GLDN: variants seen among roughly 807,000 people sequenced by gnomAD.
GLDN encodes gliomedin.
In GLDN, 47 loss-of-function variants were observed where a neutral mutation model predicts 56.5. The observed-to-expected ratio is 0.83, with a 90% CI of 0.66 to 1.06. GLDN has a LOEUF of 1.06. Among genes scored for constraint, GLDN ranks in the 50% least tolerant of loss-of-function variants. GLDN has a pLI of 0.00. For synonymous variants in GLDN, 332 were observed against 278.8 expected (o/e 1.19, Z -1.90); for missense variants, 782 against 714.3 (o/e 1.09, Z -1.08).
At chr15:51,383,376 G>T (rs1210415680) in intron 2 of GLDN, 60 bp from the exon 3 acceptor site, 7 of 1,571,614 alleles carry the variant, frequency 4.5e-6, no homozygotes, top group Middle Eastern at 1.7e-4. Flanking sequence ...AAGGTCGGGG[G>T]TGCTCTTTGT....
chr15:51,412,292 A>G (rs1464362360), downstream of GLDN, among the ~76,000 whole-genome samples: 4 of 152,238 alleles, frequency 2.6e-5, no homozygotes, highest in Non-Finnish European at 5.9e-5. Context: ...AAGAATACCT[A>G]CGATTCCTCT....
chr15:51,409,865 C>A (rs2038447356), downstream of GLDN, among the ~76,000 whole-genome samples: 1 of 152,206 alleles, frequency 6.6e-6, no homozygotes, highest in African/African-American at 2.4e-5. Flanking sequence ...GTTCTTATAA[C>A]TGGAAAGTGG....
chr15:51,348,600 C>T (rs1386003610), intron 1 of GLDN, among the ~76,000 whole-genome samples: 1 of 152,004 alleles, frequency 6.6e-6, no homozygotes, highest in Non-Finnish European at 1.5e-5. Context: ...TCCCAAAGTG[C>T]TGGAATTATA....
In GLDN at chr15:51,345,987, T is replaced by A. The variant is rs138163874; in HGVS notation, c.363+3940T>A. Among the ~76,000 whole-genome samples, 6 of 152,352 alleles carry A rather than the reference T, an allele frequency of 3.9e-5. No individual in the cohort carries two copies. In the East Asian group the frequency reaches 9.6e-4, roughly 24 times the overall value. ...AGAAAAGATGTGCAAAACCTGTGTG[T>A]GTATCTATATACTTACCTTTTGTGT... On this transcript the variant is annotated intron_variant, in intron 1 of 9. Coordinates refer to ENST00000335449, the MANE Select transcript of GLDN (RefSeq NM_181789.4).
downstream of GLDN, among the ~76,000 whole-genome samples, chr15:51,411,268 G>GA (rs1035693364): frequency 3.3e-5 from 5 of 152,208 alleles, no homozygotes; most frequent in African/African-American, 1.2e-4. Flanking sequence ...CAGAAGGGGA[G>GA]AAAAATCTCA....
At chr15:51,353,191 C>T (rs2037107095) in intron 1 of GLDN, among the ~76,000 whole-genome samples, 1 of 152,190 alleles carries the variant, frequency 6.6e-6, no homozygotes, top group African/African-American at 2.4e-5. Context: ...CTTCAACTCC[C>T]TGTGGTTTCA....
At chr15:51,383,922 C>T (rs754348699) in intron 4 of GLDN, 30 bp downstream of exon 4, 4 of 1,463,170 alleles carry the variant, frequency 2.7e-6, no homozygotes, top group Non-Finnish European at 3.8e-6. Context: ...TAATTAATTT[C>T]CCTGTTATTT....
At chr15:51,379,421 A>G (rs1253242107) in intron 2 of GLDN, among the ~76,000 whole-genome samples, 1 of 152,216 alleles carries the variant, frequency 6.6e-6, no homozygotes, top group African/African-American at 2.4e-5. Flanking sequence ...GAAGCACTAC[A>G]CATTCTCCTT....
chr15:51,401,420 T>TA (rs1290394148), intron 8 of GLDN, among the ~76,000 whole-genome samples, 173 bp from the exon 9 acceptor site: 8 of 152,166 alleles, frequency 5.3e-5, no homozygotes, highest in African/African-American at 1.9e-4. Flanking sequence ...CAGAAATCCA[T>TA]ATGGAGAATT....
At chr15:51,359,248 A>T (rs2037245377) in intron 1 of GLDN, among the ~76,000 whole-genome samples, 1 of 152,210 alleles carries the variant, frequency 6.6e-6, no homozygotes, top group African/African-American at 2.4e-5. Context: ...GGACCTAGGA[A>T]AATTCTTAGA....
intron 1 of GLDN, among the ~76,000 whole-genome samples, chr15:51,364,205 G>T (rs575184918): frequency 6.6e-6 from 1 of 151,998 alleles, no homozygotes; most frequent in African/African-American, 2.4e-5. Flanking sequence ...CTAATTACAC[G>T]GGTATTGGGC....
At chr15:51,376,498 T>C (rs2037633609) in intron 1 of GLDN, among the ~76,000 whole-genome samples, 1 of 152,260 alleles carries the variant, frequency 6.6e-6, no homozygotes, top group Non-Finnish European at 1.5e-5. Flanking sequence ...CTGTAGACTC[T>C]ATAAACACTG....
intron 4 of GLDN, among the ~76,000 whole-genome samples, chr15:51,386,701 C>T (rs769759969): frequency 3.9e-5 from 6 of 152,060 alleles, no homozygotes; most frequent in Non-Finnish European, 7.4e-5. Context: ...GGACAGCGGG[C>T]GGGGGCGGAA....
At chr15:51,353,264 T>C (rs552749583) in intron 1 of GLDN, among the ~76,000 whole-genome samples, 9 of 152,152 alleles carry the variant, frequency 5.9e-5, no homozygotes, top group Non-Finnish European at 8.8e-5. Context: ...AAACTATCTT[T>C]CTAAAACCCT....
chr15:51,362,534 G>T (rs8031311), intron 1 of GLDN, among the ~76,000 whole-genome samples: 44,930 of 151,234 alleles, frequency 0.3, 7,492 homozygotes, highest in East Asian at 0.45. Flanking sequence ...AAGATGATTG[G>T]GTTGGGTGGG....
At position 51,389,683 on chromosome 15, in the gene GLDN, G is replaced by A. The variant is rs553071800; in HGVS notation, c.542-5152G>A. ...GGAACAGGGCCCAGTCCCAAGACAC[G>A]AATAAGGAGGGCTTTCATTTCTGTT... On this transcript the variant is annotated intron_variant, in intron 4 of 9. Coordinates refer to ENST00000335449, the MANE Select transcript of GLDN (RefSeq NM_181789.4). Among the ~76,000 whole-genome samples the A allele has an allele frequency of 3.3e-5, 5 of 152,268 alleles. 1 individual carries two copies. Among genetic ancestry groups the A allele is most frequent in the Admixed American group, 3.3e-4 (5 of 15,298 alleles).
intron 1 of GLDN, among the ~76,000 whole-genome samples, chr15:51,363,967 T>C (rs2037352773): frequency 6.6e-6 from 1 of 152,240 alleles, no homozygotes; most frequent in African/African-American, 2.4e-5. Flanking sequence ...CTGTTATCCT[T>C]AGCTGTGTTT....
At chr15:51,359,724 C>G (rs2037253890) in intron 1 of GLDN, among the ~76,000 whole-genome samples, 1 of 152,092 alleles carries the variant, frequency 6.6e-6, no homozygotes, top group South Asian at 2.1e-4. Context: ...TGCCTGTAAT[C>G]CCAGCACTTT....
At chr15:51,371,576 T>C (rs1490703107) in intron 1 of GLDN, among the ~76,000 whole-genome samples, 1 of 152,244 alleles carries the variant, frequency 6.6e-6, no homozygotes, top group Non-Finnish European at 1.5e-5. Context: ...GAAAAGCTGG[T>C]CAGGCTGCCA....
Sources: gnomAD v4.1 joint callset for allele counts (sites outside exome capture counted in the v4.1 genomes callset) on GRCh38, gnomAD v4.1.1 for gene constraint, MANE v1.5 for transcripts, NCBI Gene and HGNC (gene_info 2026-07-23, HGNC 2026-07-21) for gene names.